The following TSEN54 variants were observed in gnomAD, a reference collection of about 807,000 sequenced individuals.
The protein encoded by TSEN54 is tRNA-splicing endonuclease subunit Sen54.
Under a neutral mutation model 61.9 loss-of-function variants are expected in TSEN54, and 55 were observed. That is an observed-to-expected ratio of 0.89 (90% CI 0.72 to 1.11). TSEN54 has a LOEUF of 1.11. TSEN54 is among the 50% of genes most tolerant of loss of function. TSEN54 has a pLI of 0.00. For synonymous variants in TSEN54, 304 were observed against 288.7 expected (o/e 1.05, Z -0.54); for missense variants, 760 against 687.7 (o/e 1.11, Z -1.18).
In TSEN54 at chr17:75,523,303, G is replaced by T; in HGVS notation, c.1281G>T (p.Leu427=). ...PAVVLQHISV[L]QTTHLPDGGA... Reference sequence around the variant, plus strand: ...TGGTCCTTCAGCATATCTCTGTGCTGCAGACAACACACCTTCCTGATGGAG... The same window carrying T: ...TGGTCCTTCAGCATATCTCTGTGCTTCAGACAACACACCTTCCTGATGGAG... Residue 427 remains leucine, a synonymous_variant, in exon 9 of 11, where the codon CTG becomes CTT. Transcript: ENST00000333213. 1 of 1,614,154 alleles carries T rather than the reference G, an allele frequency of 6.2e-7. No individual in the cohort carries two copies. The highest frequency in any genetic ancestry group is 1.1e-5 in the South Asian group (1 of 91,084).
At position 75,523,964 on chromosome 17, in the gene TSEN54, G is replaced by A. The variant is rs146255705; in HGVS notation, c.1430+185G>A. On this transcript the variant is annotated intron_variant, in intron 10 of 10. Transcript: ENST00000333213. Reference sequence around the variant, plus strand: ...TGTGCTGCCCTACTCTGAGCTCCTCGTTGCTGGCATTTTAGGGTAGTCTTT... The same window carrying A: ...TGTGCTGCCCTACTCTGAGCTCCTCATTGCTGGCATTTTAGGGTAGTCTTT... Among the ~76,000 whole-genome samples, 165 of 152,304 alleles carry A rather than the reference G, an allele frequency of 1.1e-3. 1 individual carries two copies. In the East Asian group the frequency reaches 0.031, roughly 29 times the overall value.
At position 75,517,055 on chromosome 17, in the gene TSEN54, G is replaced by A. The variant is rs1454771890; in HGVS notation, c.268G>A (p.Glu90Lys). Residue 90 changes from glutamate (E) to lysine (K), a missense_variant, in exon 3 of 11, where the codon GAG (glutamate) becomes AAG (lysine). Physicochemically the swap from Glu to Lys is moderately conservative, Grantham distance 56. Around this residue, in one of 3 missense-constraint regions of TSEN54, gnomAD observed 667 missense variants for 577.8 expected, o/e 1.15. Coordinates refer to ENST00000333213, the MANE Select transcript of TSEN54 (RefSeq NM_207346.3). ...GTGGAGGCCAGAAGAGGGCTTCGTG[G>A]AGTTGAAGTCTCCCGCGGTGAGCGG... is the stretch of plus-strand genomic sequence containing the variant. ...AEWRPEEGFVELKSPAGKFWQ... is the reference protein window; with the variant it reads ...AEWRPEEGFVKLKSPAGKFWQ... The A allele has an allele frequency of 6.3e-7, 1 of 1,597,224 alleles. No individual in the cohort carries two copies.
rs1219355968 is a variant in TSEN54 at position 75,518,435 on chromosome 17, G to T, written c.469-560G>T. 7 of 769,842 alleles carry T rather than the reference G, an allele frequency of 9.1e-6. No individual in the cohort carries two copies. In the African/African-American group the frequency reaches 1.3e-4, roughly 15 times the overall value. The allele number at this position is 769,842 out of a possible 1,614,324, so 47.7% of individuals were successfully genotyped here. On this transcript the variant is annotated intron_variant, in intron 5 of 10. Coordinates refer to ENST00000333213, the MANE Select transcript of TSEN54 (RefSeq NM_207346.3). ...GTGATGCAGGAGAAAAACCAAAGTC[G>T]CATCACAGAAGCCAAAAGAAGGTCT...
chr17:75,522,132 C>A lies in TSEN54; in HGVS notation c.1051C>A (p.Arg351=). The change falls in exon 8 of 11, where the codon CGG becomes AGG. Residue 351 remains arginine, a synonymous_variant. Transcript: ENST00000333213. ...CCAGCGCAAGGAGAAGCTCTCCAGGCGGGAACGGGAGCACCACGCGGAGGC... is the reference window on the plus strand; with the variant it reads ...CCAGCGCAAGGAGAAGCTCTCCAGGAGGGAACGGGAGCACCACGCGGAGGC... ...LNQRKEKLSR[R]EREHHAEAAQ... 1 of 1,566,374 alleles carries A rather than the reference C, an allele frequency of 6.4e-7. No individual in the cohort carries two copies. The highest frequency in any genetic ancestry group is 8.7e-7 in the Non-Finnish European group (1 of 1,154,486).
chr17:75,518,428 C>G (rs1358637931), intron 5 of TSEN54: 4 of 721,822 alleles, frequency 5.5e-6, no homozygotes, highest in South Asian at 6.3e-5. Context: ...GGAGAAAAAC[C>G]AAAGTCGCAT....
chr17:75,522,119 G>A lies in TSEN54; in HGVS notation c.1038G>A (p.Glu346=). ...SWCQKLNQRK[E]KLSRREREHH... is the part of the protein sequence containing the mutation. ...GCCAGAAGCTGAACCAGCGCAAGGA[G>A]AAGCTCTCCAGGCGGGAACGGGAGC... The change falls in exon 8 of 11, where the codon GAG becomes GAA. Residue 346 remains glutamate, a synonymous_variant. Transcript: ENST00000333213. 3 of 1,578,494 alleles carry A rather than the reference G, an allele frequency of 1.9e-6. No individual in the cohort carries two copies. The highest frequency in any genetic ancestry group is 2.6e-6 in the Non-Finnish European group (3 of 1,161,938).
At chr17:75,517,110 T>TGCCCAACCA in intron 3 of TSEN54, 38 bp downstream of exon 3, 1 of 1,193,636 alleles carries the variant, frequency 8.4e-7, no homozygotes, top group Non-Finnish European at 1.1e-6. Context: ...CCGCCCTCCC[T>TGCCCAACCA]GCCCTCCCTG....
chr17:75,517,634 T>C lies in TSEN54; in HGVS notation c.447T>C (p.Thr149=), dbSNP rs776685881. The C allele has an allele frequency of 3.7e-6, 6 of 1,613,800 alleles. No homozygotes were observed. Among genetic ancestry groups the C allele is most frequent in the Middle Eastern group, 3.3e-4 (2 of 6,062 alleles). The change falls in exon 5 of 11, where the codon ACT becomes ACC. Residue 149 remains threonine, a synonymous_variant. Coordinates refer to ENST00000333213, the MANE Select transcript of TSEN54 (RefSeq NM_207346.3). ...EAYQLLLTDH[T]VTFLQYQVFS... ...ACCAGCTGCTGCTGACCGACCACAC[T>C]GTGACCTTCCTGCAGTACCAGGTAT...
rs1686188956 is a variant in TSEN54 at position 75,524,719 on chromosome 17, A to C, written c.*307A>C. The C allele has an allele frequency of 1.9e-5, 9 of 463,516 alleles. No homozygotes were observed. Among genetic ancestry groups the C allele is most frequent in the South Asian group, 1.8e-4 (9 of 49,088 alleles). 28.7% of individuals were successfully genotyped at this position (463,516 alleles called of 1,614,324 possible). ...TCGTGCTATAAAGCCAAAGCCATTA[A>C]AAATAGATTTCTTTTCTGCTGTTTC... On this transcript the variant is annotated 3_prime_UTR_variant, in exon 11 of 11. Transcript: ENST00000333213.
intron 6 of TSEN54, among the ~76,000 whole-genome samples, chr17:75,520,972 A>G (rs1380881677): frequency 6.6e-6 from 1 of 151,698 alleles, no homozygotes; most frequent in Non-Finnish European, 1.5e-5. Flanking sequence ...AAAAAAAAAG[A>G]AAAAGGAAAA....
chr17:75,517,001 C>G lies in TSEN54; in HGVS notation c.222-8C>G, dbSNP rs2053376592. On this transcript the variant is annotated splice_region_variant and splice_polypyrimidine_tract_variant and intron_variant, in intron 2 of 10. Transcript: ENST00000333213. ...GACTGACGCAGACCCCTCCCCACTC[C>G]TCGCCAGGGGCAGCTTGGTGGCTGC... The G allele has an allele frequency of 6.3e-7, 1 of 1,577,854 alleles. No individual in the cohort carries two copies. Among genetic ancestry groups the G allele is most frequent in the East Asian group, 2.3e-5 (1 of 43,028 alleles).
Position 75,524,184 on chromosome 17 carries a change from T to C in TSEN54, c.1431-78T>C, listed in dbSNP as rs1229031734. The C allele has an allele frequency of 2.5e-6, 4 of 1,602,450 alleles. No homozygotes were observed. In the African/African-American group the frequency reaches 4.0e-5, roughly 16 times the overall value. On this transcript the variant is annotated intron_variant, in intron 10 of 10. Coordinates refer to ENST00000333213, the MANE Select transcript of TSEN54 (RefSeq NM_207346.3). ...AATTCTTGCACCCCAACTCCTTCCG[T>C]AGAATCTCTTCTCTGGGAGCCCTAG...
intron 8 of TSEN54, 124 bp downstream of exon 8, chr17:75,522,457 G>A: frequency 6.6e-7 from 1 of 1,518,824 alleles, no homozygotes; most frequent in Non-Finnish European, 8.8e-7. Context: ...GGAGGGAGTG[G>A]ACCCACAAGC....
chr17:75,522,656 T>C, intron 8 of TSEN54: 2 of 792,794 alleles, frequency 2.5e-6, no homozygotes, highest in Non-Finnish European at 1.8e-6. Context: ...GGTGCCTTCT[T>C]GGCCAAGTGA....
At chr17:75,520,722 G>A (rs1464668937) in intron 6 of TSEN54, among the ~76,000 whole-genome samples, 2 of 152,126 alleles carry the variant, frequency 1.3e-5, no homozygotes, top group Admixed American at 6.5e-5. Context: ...TTAGGAGGCC[G>A]AGGCAGGTGG....
rs1277837457 is a variant in TSEN54 at position 75,516,741 on chromosome 17, C to G, written c.57-5C>G. The stretch of plus-strand genomic sequence containing the variant: ...GCGCTGACCCCGCGTCCCCTTCTCC[C>G]CCAGCGCCCGGGAGCTCTTCGCCGC... On this transcript the variant is annotated splice_region_variant and splice_polypyrimidine_tract_variant and intron_variant, in intron 1 of 10. Transcript: ENST00000333213. The G allele has an allele frequency of 6.4e-7, 1 of 1,554,906 alleles. No homozygotes were observed.
chr17:75,522,874 TAAAAA>T (rs58545411), intron 8 of TSEN54: 93 of 262,970 alleles, frequency 3.5e-4, no homozygotes, highest in African/African-American at 1.9e-3. Context: ...ATGCTTATAC[TAAAAA>T]AAAAAAAAAA....
chr17:75,517,151 C>T lies in TSEN54; in HGVS notation c.286-10C>T, dbSNP rs370870418. The T allele has an allele frequency of 5.3e-6, 8 of 1,509,932 alleles. No homozygotes were observed. In the South Asian group the frequency reaches 5.7e-5, roughly 11 times the overall value. 93.5% of individuals were successfully genotyped at this position (1,509,932 alleles called of 1,614,324 possible). A position where few individuals can be genotyped will look rare whatever the true frequency, so the allele number is the denominator to read the frequency against. ...CCTCCCTTGTGACACTTGCTCTGGG[C>T]CCCACACAGGGCAAATTCTGGCAGA... is the stretch of plus-strand genomic sequence containing the variant. On this transcript the variant is annotated splice_polypyrimidine_tract_variant and intron_variant, in intron 3 of 10. Coordinates refer to ENST00000333213, the MANE Select transcript of TSEN54 (RefSeq NM_207346.3).
intron 8 of TSEN54, 129 bp downstream of exon 8, chr17:75,522,462 A>C (rs2053439187): frequency 1.3e-6 from 2 of 1,515,564 alleles, no homozygotes; most frequent in Non-Finnish European, 1.8e-6. Flanking sequence ...GAGTGGACCC[A>C]CAAGCACGGT....
Sources: allele counts gnomAD v4.1 joint callset (sites outside exome capture counted in the v4.1 genomes callset), GRCh38; gene constraint gnomAD v4.1.1; regional missense constraint gnomAD v4.1.1; transcripts MANE v1.5; gene names NCBI Gene and HGNC (gene_info 2026-07-23, HGNC 2026-07-21).